MYBL2: variants seen among roughly 807,000 people sequenced by gnomAD.
MYBL2 encodes the protein myb-related protein B.
MYBL2 carries 28 observed loss-of-function variants against 79.9 expected under a neutral mutation model. The observed-to-expected ratio is 0.35, with a 90% confidence interval of 0.26 to 0.48. MYBL2 has a LOEUF of 0.48. MYBL2 is among the 20% of genes least tolerant of loss of function. The pLI is 0.99. For missense variants in MYBL2, 735 were observed against 893.9 expected, an observed-to-expected ratio of 0.82 and a Z score of 2.27; for synonymous variants, 378 against 361.2, an observed-to-expected ratio of 1.05 and a Z score of -0.53.
In MYBL2 at chr20:43,667,272, CG is replaced by C; in HGVS notation, c.-9del. 1 of 1,224,570 alleles carries C rather than the reference CG, an allele frequency of 8.2e-7. No homozygotes were observed. The highest frequency in any genetic ancestry group is 1.0e-6 in the Non-Finnish European group (1 of 983,230). 75.9% of individuals were successfully genotyped at this position (1,224,570 alleles called of 1,614,324 possible). On this transcript the variant is annotated 5_prime_UTR_variant, in exon 1 of 14. Coordinates refer to ENST00000217026, the MANE Select transcript of MYBL2 (RefSeq NM_002466.4). ...GCGGGCGGGCGAGCGCGGCGCGGTC[CG>C]GGCCGGGGGGATGTCTCGGCGGACG...
At position 43,700,060 on chromosome 20, in the gene MYBL2, CA is replaced by C; in HGVS notation, c.951+17del. The C allele has an allele frequency of 6.2e-7, 1 of 1,610,546 alleles. No homozygotes were observed. The highest frequency in any genetic ancestry group is 8.5e-7 in the Non-Finnish European group (1 of 1,178,214). On this transcript the variant is annotated intron_variant, in intron 7 of 13. Transcript: ENST00000217026. ...GATCGAGTCGGTATGTTGGTCACAA[CA>C]CTTCACAGTGAGCACAGAACACCCC...
In MYBL2 at chr20:43,686,840, CTT is replaced by C; in HGVS notation, c.280-9_280-8del. On this transcript the variant is annotated splice_polypyrimidine_tract_variant and intron_variant, in intron 4 of 13. Coordinates refer to ENST00000217026, the MANE Select transcript of MYBL2 (RefSeq NM_002466.4). ...GCCGGTGCAAGTGGCTACCCAGAGA[CTT>C]TTCTCTAAGGTCATCGAGCTGGTTA... 6.2e-7 allele frequency: 1 copy of C among 1,612,804 alleles called. No individual in the cohort carries two copies. The highest frequency in any genetic ancestry group is 1.1e-5 in the South Asian group (1 of 91,004).
intron 1 of MYBL2, among the ~76,000 whole-genome samples, chr20:43,672,067 C>T (rs751742181): frequency 2.7e-4 from 41 of 151,852 alleles, no homozygotes; most frequent in Admixed American, 1.3e-4. Flanking sequence ...AAAAATTAGC[C>T]GGGCGCGGTG....
At chr20:43,706,718 A>ACTTTTTTTTTTTTTT (rs1491241868) in intron 9 of MYBL2, among the ~76,000 whole-genome samples, 4 of 3,336 alleles carry the variant, frequency 1.2e-3, no homozygotes, top group African/African-American at 5.7e-3. Context: ...AAAAAAAAAA[A>ACTTTTTTTTTTTTTT]GTTTTTTTTT....
At chr20:43,673,977 T>C in intron 2 of MYBL2, 78 bp downstream of exon 2, 1 of 1,241,018 alleles carries the variant, frequency 8.1e-7, no homozygotes, top group Non-Finnish European at 1.2e-6. Context: ...GTATTTGATG[T>C]CTCATCAGAT....
At chr20:43,670,109 T>TAAAC (rs368571609) in intron 1 of MYBL2, among the ~76,000 whole-genome samples, 1,687 of 152,096 alleles carry the variant, frequency 0.011, 22 homozygotes, top group African/African-American at 0.03. Flanking sequence ...TATCTCAAAA[T>TAAAC]AAACAAACAA....
Position 43,716,276 on chromosome 20 carries a change from C to A in MYBL2, c.*189C>A. The A allele has an allele frequency of 1.2e-6, 1 of 820,410 alleles. No individual in the cohort carries two copies. The highest frequency in any genetic ancestry group is 1.8e-6 in the Non-Finnish European group (1 of 552,504). The allele number at this position is 820,410 out of a possible 1,614,324, so 50.8% of individuals were successfully genotyped here. On this transcript the variant is annotated 3_prime_UTR_variant, in exon 14 of 14. Transcript: ENST00000217026. The stretch of plus-strand genomic sequence containing the variant: ...TGTTGCCGAGCCCAGCTGTGGGCGG[C>A]TCCTGGTGCTAACAACAAAGTTCCA...
At chr20:43,709,217 G>T (rs538040826) in intron 9 of MYBL2, among the ~76,000 whole-genome samples, 2 of 152,204 alleles carry the variant, frequency 1.3e-5, no homozygotes, top group Non-Finnish European at 2.9e-5. Flanking sequence ...GGTATCTCCA[G>T]GTGACTAAGG....
intron 3 of MYBL2, 108 bp from the exon 4 acceptor site, chr20:43,682,686 G>A (rs1987172798): frequency 7.4e-6 from 7 of 944,062 alleles, no homozygotes; most frequent in African/African-American, 3.2e-5. Flanking sequence ...TACCCAAGGT[G>A]TGCCTAGTCC....
Position 43,699,916 on chromosome 20 carries a change from A to G in MYBL2, c.823A>G (p.Lys275Glu). 1 of 1,614,092 alleles carries G rather than the reference A, an allele frequency of 6.2e-7. No homozygotes were observed. Among genetic ancestry groups the G allele is most frequent in the South Asian group, 1.1e-5 (1 of 91,074 alleles). ...ACCAGAGCCCTTGGAGGAATTCCCG[A>G]AGCGTGAGGACCAGGAAGGCTCCCC... ...RTPEPLEEFP[K>E]REDQEGSPPE... Residue 275 changes from lysine to glutamate, a missense_variant, in exon 7 of 14, where the codon AAG becomes GAG. This residue lies in a region of MYBL2 where 144 missense variants were observed against 131.9 expected (regional missense o/e 1.09). Transcript: ENST00000217026.
intron 6 of MYBL2, among the ~76,000 whole-genome samples, chr20:43,696,927 A>G (rs1987556692): frequency 6.6e-6 from 1 of 152,292 alleles, no homozygotes; most frequent in Non-Finnish European, 1.5e-5. Context: ...GGGTTTCACC[A>G]TGTTGGCCAG....
chr20:43,715,067 G>C, intron 12 of MYBL2, 67 bp from the exon 13 acceptor site: 1 of 1,588,868 alleles, frequency 6.3e-7, no homozygotes, highest in Non-Finnish European at 8.6e-7. Context: ...GTGGGATTGC[G>C]GGTTTTTTTC....
chr20:43,684,563 A>C, intron 4 of MYBL2, among the ~76,000 whole-genome samples: 1 of 145,850 alleles, frequency 6.9e-6, no homozygotes, highest in African/African-American at 2.6e-5. Flanking sequence ...ATTTGTAGAG[A>C]CAGGGTCTTC....
In MYBL2 at chr20:43,699,940, C is replaced by A. The variant is rs1360936754; in HGVS notation, c.847C>A (p.Pro283Thr). The part of the protein sequence containing the change: ...FPKREDQEGS[P>T]PETSLPYKWV... ...GAAGCGTGAGGACCAGGAAGGCTCC[C>A]CACCAGAAACGAGCCTGCCTTACAA... Residue 283 changes from proline to threonine, a missense_variant, in exon 7 of 14, where the codon CCA (proline) becomes ACA (threonine). Coordinates refer to ENST00000217026, the MANE Select transcript of MYBL2 (RefSeq NM_002466.4). The A allele has an allele frequency of 1.2e-6, 2 of 1,614,146 alleles. No individual in the cohort carries two copies. The highest frequency in any genetic ancestry group is 3.3e-5 in the Admixed American group (2 of 60,024).
chr20:43,711,661 AGG>A (rs1987911090), intron 11 of MYBL2, 60 bp downstream of exon 11: 3 of 1,463,720 alleles, frequency 2.0e-6, no homozygotes, highest in Admixed American at 3.9e-5. Context: ...GGCATGGGGG[AGG>A]CGTCTGGGGA....
At chr20:43,714,948 T>A (rs1226077652) in intron 12 of MYBL2, among the ~76,000 whole-genome samples, 186 bp from the exon 13 acceptor site, 1 of 152,128 alleles carries the variant, frequency 6.6e-6, no homozygotes. Context: ...ATCTTTTAAG[T>A]ATAAAGTAAG....
At chr20:43,681,309 A>G (rs960623456) in intron 2 of MYBL2, among the ~76,000 whole-genome samples, 6 of 152,108 alleles carry the variant, frequency 3.9e-5, no homozygotes, top group Admixed American at 1.3e-4. Flanking sequence ...AACTTTACAA[A>G]GTTCTCTTCA....
At chr20:43,674,234 C>T (rs3092437) in intron 2 of MYBL2, among the ~76,000 whole-genome samples, 8 of 72,228 alleles carry the variant, frequency 1.1e-4, no homozygotes, top group Admixed American at 1.7e-4. Flanking sequence ...TCCCCCCACC[C>T]TTTTTTTTTT....
At chr20:43,679,613 A>C (rs1987098910) in intron 2 of MYBL2, among the ~76,000 whole-genome samples, 2 of 152,004 alleles carry the variant, frequency 1.3e-5, no homozygotes, top group Admixed American at 1.3e-4. Flanking sequence ...TAAAAACAAA[A>C]CAAAAAATAC....
Sources: gnomAD v4.1 joint callset for allele counts (sites outside exome capture counted in the v4.1 genomes callset) on GRCh38, gnomAD v4.1.1 for gene constraint, gnomAD v4.1.1 regional missense constraint, MANE v1.5 for transcripts, NCBI Gene and HGNC (gene_info 2026-07-23, HGNC 2026-07-21) for gene names.